The following MBD2 variants were observed in gnomAD, a reference collection of about 807,000 sequenced individuals.
The protein encoded by MBD2 is methyl-CpG-binding domain protein 2.
MBD2 carries 9 observed loss-of-function variants against 39.3 expected under a neutral mutation model. The observed-to-expected ratio is 0.23, with a 90% CI of 0.14 to 0.40. MBD2 has a LOEUF of 0.40. MBD2 is among the 10% of genes least tolerant of loss of function. MBD2 has a pLI of 1.00. For missense variants in MBD2, 458 were observed against 532.6 expected (o/e 0.86, Z 1.38); for synonymous variants, 233 against 211.1 (o/e 1.10, Z -0.90).
chr18:54,221,126 G>A (rs966381821), intron 1 of MBD2, among the ~76,000 whole-genome samples: 5 of 152,192 alleles, frequency 3.3e-5, no homozygotes, highest in Non-Finnish European at 7.3e-5. Context: ...CTTACGACTT[G>A]CCTTAAGATG....
intron 3 of MBD2, among the ~76,000 whole-genome samples, chr18:54,183,006 G>A (rs1318696609): frequency 1.3e-5 from 2 of 152,186 alleles, no homozygotes; most frequent in Non-Finnish European, 2.9e-5. Flanking sequence ...AACGGAGCAA[G>A]AGAACATTCA....
intron 3 of MBD2, among the ~76,000 whole-genome samples, chr18:54,178,881 C>G (rs2086230031): frequency 6.6e-6 from 1 of 152,078 alleles, no homozygotes; most frequent in South Asian, 2.1e-4. Flanking sequence ...TCTTTTGCCA[C>G]TAACTTTGAA....
chr18:54,216,414 T>C (rs2086562191), intron 1 of MBD2, among the ~76,000 whole-genome samples: 1 of 152,220 alleles, frequency 6.6e-6, no homozygotes, highest in Admixed American at 6.5e-5. Context: ...TTGCTTCACT[T>C]AGCGAAGATT....
In MBD2 at chr18:54,224,388, C is replaced by A. The variant is rs990329684; in HGVS notation, c.172G>T (p.Gly58Cys). ...GVRREGARGGGRGRGRWKQAG... is the reference protein window; with the variant it reads ...GVRREGARGGCRGRGRWKQAG... Reference sequence around the variant, plus strand: ...TGCTTCCACCGCCCCCGGCCACGGCCGCCGCCCCGAGCGCCTTCCCTGCGC... The same window carrying A: ...TGCTTCCACCGCCCCCGGCCACGGCAGCCGCCCCGAGCGCCTTCCCTGCGC... The change falls in exon 1 of 7, where the codon GGC (glycine) becomes TGC (cysteine). Residue 58 changes from glycine (G) to cysteine (C), a missense_variant. Transcript: ENST00000256429. 3.2e-6 allele frequency: 4 copies of A among 1,238,782 alleles called. No individual in the cohort carries two copies. In the African/African-American group the frequency reaches 6.4e-5, roughly 20 times the overall value. 76.7% of individuals were successfully genotyped at this position (1,238,782 alleles called of 1,614,324 possible).
At chr18:54,210,910 C>G (rs1291082679) in intron 1 of MBD2, among the ~76,000 whole-genome samples, 2 of 129,876 alleles carry the variant, frequency 1.5e-5, no homozygotes, top group Non-Finnish European at 1.6e-5. Flanking sequence ...CTCGCTCTGT[C>G]GCCCAGGCTG....
chr18:54,161,344 A>G (rs2086096589), intron 5 of MBD2, among the ~76,000 whole-genome samples: 1 of 152,274 alleles, frequency 6.6e-6, no homozygotes, highest in African/African-American at 2.4e-5. Context: ...TCTTAGCTCT[A>G]TAGCCTCTGT....
At chr18:54,163,362 C>G (rs1466882460) in intron 5 of MBD2, among the ~76,000 whole-genome samples, 1 of 152,038 alleles carries the variant, frequency 6.6e-6, no homozygotes, top group Non-Finnish European at 1.5e-5. Flanking sequence ...AGGAATAATA[C>G]TCAAATTAAA....
chr18:54,153,011 GC>G lies in MBD2; in HGVS notation c.*2312del, dbSNP rs1378678351. ...TGAGGGAAATAATACAGTCACATTT[GC>G]CTGTTTTGATGATCTTTCTGATGAC... On this transcript the variant is annotated 3_prime_UTR_variant, in exon 7 of 7. Transcript: ENST00000256429. 6.6e-6 allele frequency: 1 copy of G among 152,170 alleles called. No homozygotes were observed. The highest frequency in any genetic ancestry group is 1.5e-5 in the Non-Finnish European group (1 of 68,030). The allele number at this position is 152,170 out of a possible 1,614,324, so 9.4% of individuals were successfully genotyped here.
At chr18:54,187,679 G>A in intron 3 of MBD2, 1 of 985,754 alleles carries the variant, frequency 1.0e-6, no homozygotes, top group Non-Finnish European at 1.2e-6. Context: ...GCACATGCAG[G>A]TACGCATCTT....
At chr18:54,159,695 G>A (rs1037374462) in intron 6 of MBD2, 70 bp downstream of exon 6, 64 of 1,545,696 alleles carry the variant, frequency 4.1e-5, no homozygotes, top group Non-Finnish European at 5.4e-5. Flanking sequence ...GGGATTACAG[G>A]CAGAAGCACT....
chr18:54,160,013 T>G, intron 5 of MBD2, 110 bp from the exon 6 acceptor site: 2 of 1,243,944 alleles, frequency 1.6e-6, no homozygotes, highest in South Asian at 3.0e-5. Context: ...CTAAGAAGAA[T>G]AGACTTCCTT....
intron 1 of MBD2, among the ~76,000 whole-genome samples, chr18:54,207,237 T>A (rs1408803103): frequency 6.6e-6 from 1 of 152,202 alleles, no homozygotes; most frequent in Non-Finnish European, 1.5e-5. Context: ...TACCTTTGAA[T>A]CTTCCAGTCA....
chr18:54,194,699 G>A (rs1367829167), intron 2 of MBD2, among the ~76,000 whole-genome samples: 1 of 152,034 alleles, frequency 6.6e-6, no homozygotes. Context: ...ATGTAGCACT[G>A]AGAAATGTTG....
At chr18:54,200,855 G>A (rs563923524) in intron 2 of MBD2, among the ~76,000 whole-genome samples, 17 of 151,880 alleles carry the variant, frequency 1.1e-4, no homozygotes, top group South Asian at 4.2e-4. Flanking sequence ...CGAGGCGGGC[G>A]GATCACGAGG....
rs750103836 is a variant in MBD2, at chr18:54,164,514, C to T, written c.1109+9G>A. 35 of 1,598,408 alleles carry T rather than the reference C, an allele frequency of 2.2e-5. 1 individual carries two copies. In the Admixed American group the frequency reaches 5.5e-4, roughly 25 times the overall value. ...CCCAAGTTTATGAAGTCATGTTAAA[C>T]TGCATTACCTGATGTCTTCATCTGT... On this transcript the variant is annotated intron_variant, in intron 5 of 6. Coordinates refer to ENST00000256429, the MANE Select transcript of MBD2 (RefSeq NM_003927.5).
At chr18:54,180,988 CT>C (rs1370945768) in intron 3 of MBD2, among the ~76,000 whole-genome samples, 1 of 149,230 alleles carries the variant, frequency 6.7e-6, no homozygotes, top group African/African-American at 2.5e-5. Context: ...CCACTGCCTC[CT>C]GGGTTCAAGC....
intron 1 of MBD2, among the ~76,000 whole-genome samples, chr18:54,220,856 T>C (rs553994331): frequency 6.6e-6 from 1 of 152,326 alleles, no homozygotes; most frequent in East Asian, 1.9e-4. Context: ...CATATTACGC[T>C]ACATACACCT....
intron 2 of MBD2, among the ~76,000 whole-genome samples, chr18:54,203,893 A>G (rs1433822317): frequency 6.6e-6 from 1 of 152,242 alleles, no homozygotes; most frequent in African/African-American, 2.4e-5. Flanking sequence ...TAGATGTTCT[A>G]TATAAATTCC....
At chr18:54,159,999 A>G (rs2086083984) in intron 5 of MBD2, 96 bp from the exon 6 acceptor site, 1 of 1,355,954 alleles carries the variant, frequency 7.4e-7, no homozygotes, top group African/African-American at 1.5e-5. Context: ...AAATAATTAA[A>G]TTCCTAAGAA....
Sources: allele counts gnomAD v4.1 joint callset (sites outside exome capture counted in the v4.1 genomes callset), GRCh38; gene constraint gnomAD v4.1.1; transcripts MANE v1.5; gene names NCBI Gene and HGNC (gene_info 2026-07-23, HGNC 2026-07-21).